PLA2G4D: variants seen among roughly 807,000 people sequenced by gnomAD.
PLA2G4D encodes phospholipase A2 group IVD, also known as cytosolic phospholipase A2 delta.
PLA2G4D carries 80 observed loss-of-function variants against 94.4 expected under a neutral mutation model. That is an observed-to-expected ratio of 0.85 (90% CI 0.71 to 1.02). PLA2G4D has a LOEUF of 1.02. PLA2G4D is among the 50% of genes least tolerant of loss of function. PLA2G4D has a pLI of 0.00. For synonymous variants in PLA2G4D, 438 were observed against 440.9 expected, an observed-to-expected ratio of 0.99 and a Z score of 0.08; for missense variants, 1,050 against 1,034.7, an observed-to-expected ratio of 1.01 and a Z score of -0.20.
At position 42,084,253 on chromosome 15, in the gene PLA2G4D, G is replaced by A. The variant is rs11629776; in HGVS notation, c.472-474C>T. ...ACAATGACAAGGCCAGGCCCCCGTG[G>A]CCTTGCCAAGGGAGCCTCTGCATGC... On this transcript the variant is annotated intron_variant, in intron 6 of 19. Coordinates refer to ENST00000290472, the MANE Select transcript of PLA2G4D (RefSeq NM_178034.4). The surrounding 1 kb of genome is among the most constrained non-coding windows in gnomAD (Gnocchi z 4.8). Among the ~76,000 whole-genome samples, 48,001 of 151,916 alleles carry A rather than the reference G, an allele frequency of 0.32. 8,448 individuals carry two copies. Among genetic ancestry groups the A allele is most frequent in the Admixed American group, 0.44 (6,660 of 15,276 alleles).
Position 42,071,839 on chromosome 15 carries a change from C to A in PLA2G4D, c.1508G>T (p.Gly503Val). Residue 503 changes from glycine to valine, a missense_variant, in exon 15 of 20, where the codon GGC (glycine) becomes GTC (valine). Coordinates refer to ENST00000290472, the MANE Select transcript of PLA2G4D (RefSeq NM_178034.4). ...CAGCCGTCCCATGAAGAACTCGGAG[C>A]CGAAGAGCTCAGGAGGGACGAAGGC... ...YGAFVPPELF[G>V]SEFFMGRLMR... 1 of 1,614,156 alleles carries A rather than the reference C, an allele frequency of 6.2e-7. No homozygotes were observed.
chr15:42,092,065 T>C (rs945830773), intron 1 of PLA2G4D, among the ~76,000 whole-genome samples: 9 of 152,180 alleles, frequency 5.9e-5, no homozygotes, highest in Non-Finnish European at 1.0e-4. Flanking sequence ...CCTTTTCTTT[T>C]ATCTCTTTGT....
Position 42,083,253 on chromosome 15 carries a change from G to T in PLA2G4D, c.617C>A (p.Ala206Asp). ...TQTSFLGTAS[A>D]FRFHYMAALE... Reference sequence around the variant, plus strand: ...GGCTGCCATGTAGTGGAAGCGGAAGGCAGAGGCTGTGCCCAGGAAGGATGT... The same window carrying T: ...GGCTGCCATGTAGTGGAAGCGGAAGTCAGAGGCTGTGCCCAGGAAGGATGT... The change falls in exon 8 of 20, where the codon GCC (alanine) becomes GAC (aspartate). Residue 206 changes from alanine (A) to aspartate (D), a missense_variant. Transcript: ENST00000290472. 1 of 1,614,178 alleles carries T rather than the reference G, an allele frequency of 6.2e-7. No homozygotes were observed. Among genetic ancestry groups the T allele is most frequent in the Middle Eastern group, 1.7e-4 (1 of 6,060 alleles).
chr15:42,071,071 C>A lies in PLA2G4D; in HGVS notation c.1876+52G>T, dbSNP rs1366259627. 5.7e-6 allele frequency: 9 copies of A among 1,586,964 alleles called. No individual in the cohort carries two copies. The South Asian group carries it at 5.7e-5, about 10-fold the overall frequency. On this transcript the variant is annotated intron_variant, in intron 17 of 19. Transcript: ENST00000290472. ...TAGGCCTCAGCCAGTCCCTGCCACACCACCCAGAGGCCCAACCTTGTGACC... is the reference window on the plus strand; with the variant it reads ...TAGGCCTCAGCCAGTCCCTGCCACAACACCCAGAGGCCCAACCTTGTGACC...
Position 42,094,440 on chromosome 15 carries a change from C to A in PLA2G4D, c.20G>T (p.Gly7Val), listed in dbSNP as rs144471740. 3.7e-3 allele frequency: 5,978 copies of A among 1,614,084 alleles called. 21 individuals are homozygous for A. The highest frequency in any genetic ancestry group is 9.3e-3 in the South Asian group (847 of 91,070). The stretch of plus-strand genomic sequence containing the variant: ...CTGGTAAGGGTGGCCAGGTGGTCCC[C>A]CAGGTGACAGGCTCTCCATGCTAGC... MESLSP[G>V]GPPGHPYQGE... The change falls in exon 1 of 20, where the codon GGG becomes GTG. Residue 7 changes from glycine (G) to valine (V), a missense_variant. Coordinates refer to ENST00000290472, the MANE Select transcript of PLA2G4D (RefSeq NM_178034.4).
chr15:42,088,289 TG>T (rs1388239418), intron 1 of PLA2G4D, among the ~76,000 whole-genome samples: 1 of 152,006 alleles, frequency 6.6e-6, no homozygotes, highest in African/African-American at 2.4e-5. Flanking sequence ...GTGGGTGCTG[TG>T]GGTGAAAGGC....
chr15:42,085,193 C>T lies in PLA2G4D; in HGVS notation c.429-55G>A, dbSNP rs1890117876. 1.9e-6 allele frequency: 3 copies of T among 1,603,976 alleles called. No individual in the cohort carries two copies. The African/African-American group carries it at 4.0e-5, about 21-fold the overall frequency. On this transcript the variant is annotated intron_variant, in intron 5 of 19. Coordinates refer to ENST00000290472, the MANE Select transcript of PLA2G4D (RefSeq NM_178034.4). ...CGCTTCCTGCATTGACCTCCCGCTC[C>T]CGCCCATGTGGGGTCTCCCTGGGTG... is the stretch of plus-strand genomic sequence containing the variant.
chr15:42,068,976 C>CGCCGGGGCTTCTACAGCCTG (rs775805271), intron 19 of PLA2G4D, 35 bp from the exon 20 acceptor site: 1 of 1,573,076 alleles, frequency 6.4e-7, no homozygotes, highest in Non-Finnish European at 8.6e-7. Context: ...AGGAGCAGGA[C>CGCCGGGGCTTCTACAGCCTG]GCCGGGGCTT....
intron 13 of PLA2G4D, among the ~76,000 whole-genome samples, chr15:42,073,910 C>T (rs992969304): frequency 6.6e-6 from 1 of 152,132 alleles, no homozygotes; most frequent in Admixed American, 6.5e-5. Context: ...ATGTGTCAAC[C>T]ACAGTCATCC....
rs758466010 is a variant in PLA2G4D, at chr15:42,083,230, C to T, written c.640G>A (p.Ala214Thr). ...CGCCCGCTCAGCTCTGTCTCTAGGG[C>T]TGCCATGTAGTGGAAGCGGAAGGCA... is the stretch of plus-strand genomic sequence containing the variant. ...ASAFRFHYMA[A>T]LETELSGRLR... The change falls in exon 8 of 20, where the codon GCC becomes ACC. Residue 214 changes from alanine (A) to threonine (T), a missense_variant. Physicochemically the swap from Ala to Thr is moderately conservative, Grantham distance 58. Coordinates refer to ENST00000290472, the MANE Select transcript of PLA2G4D (RefSeq NM_178034.4). The T allele has an allele frequency of 3.1e-6, 5 of 1,614,136 alleles. No individual in the cohort carries two copies. The highest frequency in any genetic ancestry group is 1.1e-5 in the South Asian group (1 of 91,088).
At chr15:42,072,231 T>G in intron 14 of PLA2G4D, 44 bp downstream of exon 14, 7 of 1,500,568 alleles carry the variant, frequency 4.7e-6, no homozygotes, top group Non-Finnish European at 6.5e-6. Flanking sequence ...GTGCAGAGGG[T>G]TTGGGGGGTG....
Position 42,079,634 on chromosome 15 carries a change from C to G in PLA2G4D, c.1220G>C (p.Ser407Thr), listed in dbSNP as rs542084472. 9.3e-6 allele frequency: 15 copies of G among 1,612,254 alleles called. No homozygotes were observed. In the South Asian group the frequency reaches 1.4e-4, roughly 15 times the overall value. The change falls in exon 13 of 20, where the codon AGC becomes ACC. Residue 407 changes from serine (S) to threonine (T), a missense_variant. By Grantham distance (58) the Ser-to-Thr change is moderately conservative. Coordinates refer to ENST00000290472, the MANE Select transcript of PLA2G4D (RefSeq NM_178034.4). ...LEVFSPERLA[S>T]YRRELELRAE... is the part of the protein sequence containing the mutation. ...CCGCAGCTCCAGCTCCCGGCGGTAG[C>G]TCGCCAGGCGCTCTGGGGAAAAGAC...
Position 42,071,269 on chromosome 15 carries a change from G to A in PLA2G4D, c.1730C>T (p.Ser577Leu), listed in dbSNP as rs759427519. 1.7e-5 allele frequency: 28 copies of A among 1,603,278 alleles called. No individual in the cohort carries two copies. The highest frequency in any genetic ancestry group is 1.7e-4 in the Middle Eastern group (1 of 6,026). The change falls in exon 17 of 20, where the codon TCG becomes TTG. Residue 577 changes from serine to leucine, a missense_variant. Ser to Leu is a moderately radical substitution (Grantham distance 145). Coordinates refer to ENST00000290472, the MANE Select transcript of PLA2G4D (RefSeq NM_178034.4). ...TSGTSSRLEA[S>L]WLQPGTALAQ... ...CAGCGCCGTGCCTGGCTGCAGCCAC[G>A]AGGCCTCCAGCCGCGAGGAGGTCCC...
rs1595590833 is a variant in PLA2G4D, at chr15:42,072,387, C to T, written c.1323G>A (p.Met441Ile). ...CTCTCTGTCCTGACAGCTTCTGATC[C>T]ATCACCTGGGGCCAGAGGGCATCAG... Reference protein sequence around the residue: ...VLESMLHGQVMDQKLSGQRAA... With the variant: ...VLESMLHGQVIDQKLSGQRAA... The change falls in exon 14 of 20, where the codon ATG becomes ATA. Residue 441 changes from methionine to isoleucine, a missense_variant. Transcript: ENST00000290472. 1 of 1,612,548 alleles carries T rather than the reference C, an allele frequency of 6.2e-7. No individual in the cohort carries two copies. The highest frequency in any genetic ancestry group is 1.1e-5 in the South Asian group (1 of 90,998).
intron 19 of PLA2G4D, among the ~76,000 whole-genome samples, chr15:42,069,157 T>C (rs1889749584): frequency 6.6e-6 from 1 of 152,154 alleles, no homozygotes; most frequent in Non-Finnish European, 1.5e-5. Context: ...CATTGCCTTG[T>C]GGCGTGACAC....
At chr15:42,075,480 A>T (rs1355722671) in intron 13 of PLA2G4D, among the ~76,000 whole-genome samples, 1 of 152,274 alleles carries the variant, frequency 6.6e-6, no homozygotes, top group African/African-American at 2.4e-5. Context: ...AGCACATAGT[A>T]ATAAAATGAA....
chr15:42,085,349 C>A, intron 5 of PLA2G4D, 142 bp downstream of exon 5: 2 of 1,093,790 alleles, frequency 1.8e-6, no homozygotes, highest in Non-Finnish European at 1.4e-6. Flanking sequence ...TAAGAGAAGC[C>A]CCGCCCCACT....
intron 5 of PLA2G4D, among the ~76,000 whole-genome samples, 166 bp from the exon 6 acceptor site, chr15:42,085,304 G>C (rs1162357844): frequency 2.0e-5 from 3 of 152,286 alleles, no homozygotes; most frequent in African/African-American, 7.2e-5. Flanking sequence ...AGAGAGCAGA[G>C]AGAGAAAACA....
rs968717385 is a variant in PLA2G4D, at chr15:42,068,739, C to T, written c.2433G>A (p.Ala811=). The change falls in exon 20 of 20, where the codon GCG becomes GCA. Residue 811 remains alanine (A), a synonymous_variant. Transcript: ENST00000290472. ...RTALKHRTLE[A]RPPRAQT ...CTCAGGTCTGTGCCCTTGGAGGCCT[C>T]GCCTCTAGAGTCCGGTGCTTCAGCG... 34 of 1,608,960 alleles carry T rather than the reference C, an allele frequency of 2.1e-5. No individual in the cohort carries two copies. The highest frequency in any genetic ancestry group is 3.4e-5 in the Admixed American group (2 of 59,354).
Sources: allele counts gnomAD v4.1 joint callset (sites outside exome capture counted in the v4.1 genomes callset), GRCh38; gene constraint gnomAD v4.1.1; non-coding constraint Gnocchi (gnomAD v3.1); transcripts MANE v1.5; gene names NCBI Gene and HGNC (gene_info 2026-07-23, HGNC 2026-07-21).